The following PCTP variants were observed in gnomAD, a reference collection of about 807,000 sequenced individuals.
PCTP encodes the protein phosphatidylcholine transfer protein.
PCTP carries 27 observed loss-of-function variants against 31.0 expected under a neutral mutation model. That is an observed-to-expected ratio of 0.87 (90% CI 0.64 to 1.20). The LOEUF (loss-of-function observed/expected upper bound fraction) is 1.20, where lower values mean the gene tolerates loss of function less well. Ranked by LOEUF, PCTP falls within the 50% of genes most tolerant of loss-of-function variation. PCTP has a pLI of 0.00. For missense variants in PCTP, 287 were observed against 268.2 expected, an observed-to-expected ratio of 1.07 and a Z score of -0.49; for synonymous variants, 108 against 101.2, an observed-to-expected ratio of 1.07 and a Z score of -0.40.
chr17:55,820,934 G>T (rs1253481583), intron 3 of PCTP, among the ~76,000 whole-genome samples: 1 of 152,208 alleles, frequency 6.6e-6, no homozygotes, highest in Non-Finnish European at 1.5e-5. Flanking sequence ...TAAAAGGAAT[G>T]TTAGGCAGTG....
intron 3 of PCTP, among the ~76,000 whole-genome samples, chr17:55,818,281 C>T (rs1283042412): frequency 6.6e-6 from 1 of 152,180 alleles, no homozygotes; most frequent in East Asian, 1.9e-4. Flanking sequence ...GAGAAGTTGG[C>T]AGAGGCCAGA....
At chr17:55,809,523 C>CCTT (rs1555570159) in intron 3 of PCTP, among the ~76,000 whole-genome samples, 2 of 128,770 alleles carry the variant, frequency 1.6e-5, no homozygotes, top group African/African-American at 6.6e-5. Context: ...TTCTCAGAGT[C>CCTT]TTTTTTTTTT....
rs945916986 is a variant in PCTP, at chr17:55,776,257, G to A, written c.*157G>A. 7.0e-7 allele frequency: 1 copy of A among 1,431,932 alleles called. No homozygotes were observed. Among genetic ancestry groups the A allele is most frequent in the East Asian group, 2.6e-5 (1 of 38,802 alleles). 88.7% of individuals were successfully genotyped at this position (1,431,932 alleles called of 1,614,324 possible). A position where few individuals can be genotyped will look rare whatever the true frequency, so the allele number is the denominator to read the frequency against. On this transcript the variant is annotated 3_prime_UTR_variant, in exon 6 of 6. Transcript: ENST00000268896. ...TTCCCCTGCTGTTTCTGTCTTCAGA[G>A]GCCTACACACTACCACATCCTTTCT...
At chr17:55,824,217 A>G (rs926907415), downstream of PCTP, among the ~76,000 whole-genome samples, 2 of 151,972 alleles carry the variant, frequency 1.3e-5, no homozygotes, top group Non-Finnish European at 2.9e-5. Context: ...CCAGTTACTG[A>G]CCTGGGTCTT....
chr17:55,759,554 G>A (rs1910230674), intron 1 of PCTP, among the ~76,000 whole-genome samples: 3 of 152,156 alleles, frequency 2.0e-5, no homozygotes, highest in African/African-American at 7.2e-5. Context: ...GCCCCAAAGT[G>A]GATGGACTTG....
intron 3 of PCTP, among the ~76,000 whole-genome samples, chr17:55,810,670 G>A (rs1912722343): frequency 6.6e-6 from 1 of 152,324 alleles, no homozygotes; most frequent in South Asian, 2.1e-4. Context: ...CCCTGTGGAT[G>A]TAGTATTTGG....
chr17:55,829,171 T>C lies in PCTP; in HGVS notation n.505+6244T>C, dbSNP rs374196703. Among the ~76,000 whole-genome samples, 21 of 147,496 alleles carry C rather than the reference T, an allele frequency of 1.4e-4. 2 individuals carry two copies. Among genetic ancestry groups the C allele is most frequent in the Admixed American group, 9.5e-4 (14 of 14,802 alleles). ...TACAGGTTGAGATTTGCCCAAGATATGATCAAGAGGTGCAGAAAGGAGCTT... is the reference window on the plus strand; with the variant it reads ...TACAGGTTGAGATTTGCCCAAGATACGATCAAGAGGTGCAGAAAGGAGCTT... On this transcript the variant is annotated intron_variant and non_coding_transcript_variant, in intron 5 of 5. Transcript: ENST00000576221.
intron 5 of PCTP, among the ~76,000 whole-genome samples, chr17:55,836,093 A>G (rs1190665451): frequency 6.6e-6 from 1 of 152,266 alleles, no homozygotes; most frequent in African/African-American, 2.4e-5. Flanking sequence ...CTATTGTGGT[A>G]TAACATGACC....
At chr17:55,845,926 G>A (rs1248375082), downstream of PCTP, among the ~76,000 whole-genome samples, 1 of 146,514 alleles carries the variant, frequency 6.8e-6, no homozygotes, top group Admixed American at 6.7e-5. Flanking sequence ...GTGTGTGTGT[G>A]TATGTGTGTG....
At chr17:55,805,866 GTCTC>G (rs1555569919) in intron 3 of PCTP, among the ~76,000 whole-genome samples, 1 of 142,358 alleles carries the variant, frequency 7.0e-6, no homozygotes. Context: ...TCCAGTTATG[GTCTC>G]TCTCTCTCAA....
downstream of PCTP, among the ~76,000 whole-genome samples, chr17:55,847,775 A>T (rs1337881619): frequency 6.6e-6 from 1 of 152,216 alleles, no homozygotes; most frequent in Non-Finnish European, 1.5e-5. Context: ...AGGGGGGGTC[A>T]GCCTTTTTGT....
intron 3 of PCTP, among the ~76,000 whole-genome samples, chr17:55,798,611 G>C (rs1017657141): frequency 2.0e-5 from 3 of 151,844 alleles, no homozygotes; most frequent in Admixed American, 6.6e-5. Flanking sequence ...AAAACTACCA[G>C]CCTAGACTTC....
chr17:55,778,137 G>A (rs556424643), downstream of PCTP, among the ~76,000 whole-genome samples: 1 of 151,044 alleles, frequency 6.6e-6, no homozygotes, highest in East Asian at 2.0e-4. Flanking sequence ...CTAATTTAGA[G>A]TAGTGGACAG....
chr17:55,828,781 C>A (rs765077270), intron 5 of PCTP, among the ~76,000 whole-genome samples: 4 of 152,120 alleles, frequency 2.6e-5, no homozygotes, highest in Non-Finnish European at 4.4e-5. Flanking sequence ...AAGATGAGAG[C>A]GTGCAGCAGT....
At chr17:55,846,191 C>A (rs1244487238), downstream of PCTP, among the ~76,000 whole-genome samples, 1 of 152,058 alleles carries the variant, frequency 6.6e-6, no homozygotes, top group Non-Finnish European at 1.5e-5. Context: ...ACAGTGAAAC[C>A]ATCACCCAAT....
chr17:55,850,255 A>C, the PCTP span, among the ~76,000 whole-genome samples: 1 of 152,154 alleles, frequency 6.6e-6, no homozygotes, highest in African/African-American at 2.4e-5. Flanking sequence ...GTAATATATC[A>C]GTTTGTTTCC....
intron 1 of PCTP, among the ~76,000 whole-genome samples, chr17:55,754,860 G>A (rs148909610): frequency 4.3e-4 from 66 of 152,198 alleles, no homozygotes; most frequent in African/African-American, 1.5e-3. Context: ...TGTATTGGAT[G>A]TACAGTACTG....
chr17:55,820,247 GA>G (rs1913071693), intron 3 of PCTP, among the ~76,000 whole-genome samples: 1 of 152,162 alleles, frequency 6.6e-6, no homozygotes. Context: ...CAGAATGGGA[GA>G]AAATTTCTGC....
chr17:55,787,931 A>G (rs902390485), intron 3 of PCTP, among the ~76,000 whole-genome samples: 2 of 152,156 alleles, frequency 1.3e-5, no homozygotes, highest in Non-Finnish European at 2.9e-5. Context: ...GCACTGTCAT[A>G]TAATATGGCC....
Sources: gnomAD v4.1 joint callset for allele counts (sites outside exome capture counted in the v4.1 genomes callset) on GRCh38, gnomAD v4.1.1 for gene constraint, MANE v1.5 for transcripts, NCBI Gene and HGNC (gene_info 2026-07-23, HGNC 2026-07-21) for gene names.